NEU3: variants seen among roughly 807,000 people sequenced by gnomAD.
NEU3 encodes the protein neuraminidase 3, also known as sialidase-3.
In NEU3, 10 loss-of-function variants were observed where a neutral mutation model predicts 11.4. The observed-to-expected ratio is 0.88, with a 90% CI of 0.54 to 1.49. The LOEUF is 1.49. NEU3 is among the 40% of genes most tolerant of loss of function. The probability of loss-of-function intolerance (pLI) is 0.00; values close to 1 mark genes in which losing one functional copy is unlikely to be tolerated. For synonymous variants in NEU3, 212 were observed against 228.2 expected, an observed-to-expected ratio of 0.93 and a Z score of 0.64; for missense variants, 529 against 581.8, an observed-to-expected ratio of 0.91 and a Z score of 0.93.
At chr11:75,012,660 T>G (rs190936652), downstream of NEU3, among the ~76,000 whole-genome samples, 200 of 152,354 alleles carry the variant, frequency 1.3e-3, 1 homozygote, top group African/African-American at 4.5e-3. Flanking sequence ...TGTGTTGAAG[T>G]TGCTCATTTT....
upstream of NEU3, among the ~76,000 whole-genome samples, chr11:74,985,572 ACC>A (rs1293440515): frequency 7.2e-6 from 1 of 139,056 alleles, no homozygotes; most frequent in Non-Finnish European, 1.6e-5. Flanking sequence ...CTCCCAAACA[ACC>A]CCTGTGTTCA....
intron 2 of NEU3, among the ~76,000 whole-genome samples, chr11:74,997,615 G>A (rs1948802223): frequency 6.6e-6 from 1 of 150,462 alleles, no homozygotes; most frequent in Non-Finnish European, 1.5e-5. Context: ...GGAGGCCAAG[G>A]TAGGCGGATC....
downstream of NEU3, among the ~76,000 whole-genome samples, chr11:75,013,020 ATTACT>A (rs1374487920): frequency 2.0e-5 from 3 of 151,698 alleles, no homozygotes; most frequent in Admixed American, 6.5e-5. Flanking sequence ...TGTCTGACAA[ATTACT>A]TTAAATACTA....
At position 75,006,052 on chromosome 11, in the gene NEU3, G is replaced by T; in HGVS notation, c.946G>T (p.Val316Leu). 1.2e-6 allele frequency: 2 copies of T among 1,614,004 alleles called. No individual in the cohort carries two copies. The highest frequency in any genetic ancestry group is 8.5e-7 in the Non-Finnish European group (1 of 1,179,898). ...GCCCCCACATGGTTGCCAAGGGAGT[G>T]TGGTAAGTTTCCGGCCCCTGGAGAT... ...CEPPHGCQGS[V>L]VSFRPLEIPH... The change falls in exon 3 of 3, where the codon GTG becomes TTG. Residue 316 changes from valine (V) to leucine (L), a missense_variant. Transcript: ENST00000294064.
At chr11:75,018,826 A>AGAAAAATG (rs2140261178) in exon 4 of NEU3, 1 of 152,554 alleles carries the variant, frequency 6.6e-6, no homozygotes, top group Non-Finnish European at 1.5e-5. Context: ...AGAAGAAGAG[A>AGAAAAATG]GAAAAATGTG....
intron 2 of NEU3, among the ~76,000 whole-genome samples, chr11:74,999,529 A>G (rs564885401): frequency 1.6e-3 from 249 of 152,214 alleles, no homozygotes; most frequent in Non-Finnish European, 3.2e-3. Flanking sequence ...GATTAAGAGC[A>G]TGGCTTTGGA....
chr11:74,999,806 C>T (rs910672513), intron 2 of NEU3, among the ~76,000 whole-genome samples: 3 of 152,150 alleles, frequency 2.0e-5, no homozygotes, highest in Admixed American at 2.0e-4. Flanking sequence ...TCAGTCTATA[C>T]AAAATGTAGA....
intron 1 of NEU3, among the ~76,000 whole-genome samples, chr11:74,994,225 C>G (rs1346009730): frequency 2.0e-5 from 3 of 152,124 alleles, no homozygotes; most frequent in Non-Finnish European, 2.9e-5. Context: ...GGATGCTTGG[C>G]AAAAACAAAT....
At chr11:75,012,191 A>G (rs1216171656), downstream of NEU3, among the ~76,000 whole-genome samples, 1 of 152,186 alleles carries the variant, frequency 6.6e-6, no homozygotes, top group Non-Finnish European at 1.5e-5. Context: ...CGTAGCCTAA[A>G]TACTTTGAGG....
intron 2 of NEU3, among the ~76,000 whole-genome samples, chr11:75,001,729 A>C (rs564973403): frequency 5.9e-5 from 9 of 151,944 alleles, no homozygotes; most frequent in African/African-American, 2.2e-4. Flanking sequence ...TGCTATGTTT[A>C]CTCTTTTTTC....
chr11:74,995,843 C>T (rs1948785591), intron 2 of NEU3, among the ~76,000 whole-genome samples: 1 of 151,554 alleles, frequency 6.6e-6, no homozygotes, highest in African/African-American at 2.4e-5. Context: ...TTCTTACTTA[C>T]ATAGATAATT....
At chr11:74,981,811 A>G in the NEU3 span, among the ~76,000 whole-genome samples, 3 of 152,184 alleles carry the variant, frequency 2.0e-5, no homozygotes, top group Non-Finnish European at 4.4e-5. Context: ...GGATTAGGGG[A>G]TAAAAGAAAT....
chr11:74,981,995 A>C, the NEU3 span, among the ~76,000 whole-genome samples: 2 of 152,086 alleles, frequency 1.3e-5, no homozygotes, highest in African/African-American at 2.4e-5. Flanking sequence ...CTCAGTCTCT[A>C]GGCAGGAGGC....
upstream of NEU3, among the ~76,000 whole-genome samples, chr11:74,987,842 C>G (rs142738569): frequency 1.1e-3 from 161 of 145,202 alleles, no homozygotes; most frequent in Middle Eastern, 7.1e-3. Context: ...AAAAAAGACC[C>G]ATTATTTGGG....
chr11:75,005,956 C>T lies in NEU3; in HGVS notation c.850C>T (p.Arg284Trp), dbSNP rs539514716. The T allele has an allele frequency of 7.9e-5, 128 of 1,613,746 alleles. No homozygotes were observed. In the East Asian group the frequency reaches 9.4e-4, roughly 12 times the overall value. Residue 284 changes from arginine (R) to tryptophan (W), a missense_variant, in exon 3 of 3, where the codon CGG (arginine) becomes TGG (tryptophan). Arg to Trp is a moderately radical substitution (Grantham distance 101). Transcript: ENST00000294064. ...YCSARTPNRC[R>W]AEALSTDHGE... ...CAGTGCCCGGACACCAAACAGGTGC[C>T]GGGCAGAGGCGCTCAGCACTGACCA...
At chr11:74,993,095 A>C (rs1948749697) in intron 1 of NEU3, among the ~76,000 whole-genome samples, 1 of 152,228 alleles carries the variant, frequency 6.6e-6, no homozygotes, top group African/African-American at 2.4e-5. Context: ...GCTGCACTGG[A>C]TGTCTCACCT....
At chr11:74,996,400 A>T (rs574055551) in intron 2 of NEU3, among the ~76,000 whole-genome samples, 70 of 152,328 alleles carry the variant, frequency 4.6e-4, no homozygotes, top group African/African-American at 1.7e-3. Context: ...TCCCATCTCA[A>T]AAAACTACTT....
intron 2 of NEU3, among the ~76,000 whole-genome samples, chr11:74,997,593 C>T (rs1948801923): frequency 1.3e-5 from 2 of 151,988 alleles, no homozygotes; most frequent in South Asian, 4.1e-4. Context: ...CGCCTGTAAT[C>T]CCAGCACTTT....
rs1254208259 is a variant in NEU3 at position 75,008,572 on chromosome 11, T to G, written c.*2080T>G. 1 of 126,332 alleles carries G rather than the reference T, an allele frequency of 7.9e-6. No individual in the cohort carries two copies. The highest frequency in any genetic ancestry group is 3.0e-5 in the African/African-American group (1 of 33,188). 7.8% of individuals were successfully genotyped at this position (126,332 alleles called of 1,614,324 possible). The stretch of plus-strand genomic sequence containing the variant: ...ATATCAACTTCTTTTTTTTTTTTTT[T>G]GAGACAGAATCTCACTCTGTCGCCC... On this transcript the variant is annotated 3_prime_UTR_variant, in exon 3 of 3. Coordinates refer to ENST00000294064, the MANE Select transcript of NEU3 (RefSeq NM_006656.6).
Sources: gnomAD v4.1 joint callset for allele counts (sites outside exome capture counted in the v4.1 genomes callset) on GRCh38, gnomAD v4.1.1 for gene constraint, MANE v1.5 for transcripts, NCBI Gene and HGNC (gene_info 2026-07-23, HGNC 2026-07-21) for gene names.